The following DMD variants were observed in gnomAD, a reference collection of about 807,000 sequenced individuals.
DMD encodes mutant dystrophin.
DMD carries 63 observed loss-of-function variants against 330.1 expected under a neutral mutation model. The ratio of observed to expected loss-of-function variants is 0.19; its 90% confidence interval spans 0.16 to 0.24. The LOEUF is 0.24. Among genes scored for constraint, DMD ranks in the 10% least tolerant of loss-of-function variants. The pLI, the probability that DMD is intolerant of heterozygous loss-of-function variation, is 1.00. For missense variants in DMD, 3,344 were observed against 2,684.1 expected, an observed-to-expected ratio of 1.25 and a Z score of -5.43; for synonymous variants, 1,223 against 959.8, an observed-to-expected ratio of 1.27 and a Z score of -5.07.
intron 12 of DMD, among the ~76,000 whole-genome samples, chrX:32,613,731 T>A (rs1256564195): frequency 9.0e-6 from 1 of 111,195 alleles, no homozygotes; most frequent in Non-Finnish European, 1.9e-5. Flanking sequence ...CCCTGCGTTG[T>A]TCTCATCCAC....
intron 1 of DMD, among the ~76,000 whole-genome samples, chrX:33,091,369 T>C (rs1419572372): frequency 8.9e-6 from 1 of 111,761 alleles, no homozygotes; most frequent in Non-Finnish European, 1.9e-5. Flanking sequence ...GGATTATGAA[T>C]GGCTTATGAA....
intron 16 of DMD, among the ~76,000 whole-genome samples, chrX:32,558,464 T>A (rs2149046793): frequency 8.9e-6 from 1 of 111,948 alleles, no homozygotes; most frequent in African/African-American, 3.2e-5. Context: ...ATCATACAGA[T>A]GCTGAGCATT....
intron 49 of DMD, among the ~76,000 whole-genome samples, chrX:31,823,611 C>T (rs1454250597): frequency 9.0e-6 from 1 of 110,705 alleles, no homozygotes; most frequent in Non-Finnish European, 1.9e-5. Flanking sequence ...GACAGGGTCT[C>T]ACTCTGTCAC....
At chrX:32,818,474 G>T (rs1162247162) in intron 5 of DMD, among the ~76,000 whole-genome samples, 1 of 111,625 alleles carries the variant, frequency 9.0e-6, no homozygotes, top group East Asian at 2.8e-4. Context: ...GGTCCCCAAA[G>T]GTGAGCCTGT....
intron 44 of DMD, among the ~76,000 whole-genome samples, chrX:32,188,857 A>G (rs1279454169): frequency 1.5e-4 from 17 of 110,871 alleles, no homozygotes. Context: ...TATTAAATTC[A>G]AATGTTAACT....
intron 1 of DMD, among the ~76,000 whole-genome samples, chrX:33,293,383 G>A (rs1220042099): frequency 9.0e-6 from 1 of 111,385 alleles, no homozygotes; most frequent in African/African-American, 3.3e-5. Context: ...ATGATCATCA[G>A]GGACATTGGA....
chrX:31,454,931 T>C (rs1368660574), intron 59 of DMD, among the ~76,000 whole-genome samples: 7 of 104,656 alleles, frequency 6.7e-5, no homozygotes, highest in Non-Finnish European at 9.7e-5. Flanking sequence ...TATATATTTT[T>C]AAGTTAGTTT....
rs1477436980 is a variant in DMD at position 31,906,427 on chromosome X, C to G, written c.6912+23169G>C. On this transcript the variant is annotated intron_variant, in intron 47 of 78. Coordinates refer to ENST00000357033, the MANE Select transcript of DMD (RefSeq NM_004006.3). ...ATAAACTCTCTGAAACATATTTTTC[C>G]TAATTCTTTTTGTCCCATTGAATTG... Among the ~76,000 whole-genome samples the G allele has an allele frequency of 4.5e-5, 5 of 111,956 alleles. No homozygotes were observed. The Admixed American group carries it at 4.7e-4, about 11-fold the overall frequency.
intron 27 of DMD, among the ~76,000 whole-genome samples, chrX:32,444,259 C>A (rs1002664454): frequency 4.5e-5 from 5 of 109,937 alleles, no homozygotes; most frequent in South Asian, 3.8e-4. Context: ...AAATAAAGAT[C>A]CACCCATAAC....
chrX:32,408,409 C>A (rs181041466), intron 30 of DMD, among the ~76,000 whole-genome samples: 135 of 112,126 alleles, frequency 1.2e-3, no homozygotes, highest in African/African-American at 4.3e-3. Flanking sequence ...GCATCCTGAT[C>A]TACATCTACT....
At chrX:31,961,256 C>T (rs1353022151) in intron 45 of DMD, among the ~76,000 whole-genome samples, 1 of 111,804 alleles carries the variant, frequency 8.9e-6, no homozygotes, top group Non-Finnish European at 1.9e-5. Context: ...GAATTGCAAA[C>T]GTATCCATGG....
At chrX:32,215,276 A>AT (rs907760105) in intron 44 of DMD, among the ~76,000 whole-genome samples, 34 of 111,059 alleles carry the variant, frequency 3.1e-4, no homozygotes, top group Non-Finnish European at 5.1e-4. Context: ...TTGGAGTTCC[A>AT]TTTTTTTTAA....
intron 59 of DMD, among the ~76,000 whole-genome samples, chrX:31,447,832 C>A (rs1449222215): frequency 9.3e-6 from 1 of 107,725 alleles, no homozygotes; most frequent in Non-Finnish European, 1.9e-5. Context: ...CATGGTGAAA[C>A]CCTGTCTCTA....
At chrX:32,201,477 C>G (rs904378363) in intron 44 of DMD, among the ~76,000 whole-genome samples, 21 of 94,843 alleles carry the variant, frequency 2.2e-4, no homozygotes, top group South Asian at 1.1e-3. Context: ...ACACCCCCCC[C>G]CCCCCCAACA....
intron 47 of DMD, among the ~76,000 whole-genome samples, chrX:31,875,929 C>G (rs754304368): frequency 8.9e-6 from 1 of 112,302 alleles, no homozygotes; most frequent in Non-Finnish European, 1.9e-5. Flanking sequence ...TTGCTTCTAG[C>G]TTTCTTTTAT....
intron 55 of DMD, among the ~76,000 whole-genome samples, chrX:31,571,310 T>C (rs1267083345): frequency 9.5e-6 from 1 of 105,313 alleles, no homozygotes; most frequent in Non-Finnish European, 1.9e-5. Context: ...AAACAGCTTT[T>C]AAACATTACA....
At chrX:31,929,521 C>T in intron 47 of DMD, 75 bp downstream of exon 47, 1 of 1,142,528 alleles carries the variant, frequency 8.8e-7, no homozygotes. Flanking sequence ...ACCAATGAAG[C>T]ACCCAGGAAA....
intron 4 of DMD, among the ~76,000 whole-genome samples, chrX:32,826,520 A>T (rs1016070213): frequency 2.7e-5 from 3 of 111,808 alleles, no homozygotes; most frequent in African/African-American, 9.8e-5. Context: ...CTCGGACTTA[A>T]AAAGCAGAGA....
At chrX:31,358,882 G>A (rs1003913912) in intron 60 of DMD, among the ~76,000 whole-genome samples, 1 of 111,950 alleles carries the variant, frequency 8.9e-6, no homozygotes, top group African/African-American at 3.2e-5. Flanking sequence ...TTTGGTTTGA[G>A]GGCCTTCTCA....
Sources: gnomAD v4.1 joint callset for allele counts (sites outside exome capture counted in the v4.1 genomes callset) on GRCh38, gnomAD v4.1.1 for gene constraint, MANE v1.5 for transcripts, NCBI Gene and HGNC (gene_info 2026-07-23, HGNC 2026-07-21) for gene names.